Variants in TENM2 observed in about 807,000 individuals in gnomAD.
TENM2 encodes the protein teneurin-2.
TENM2 carries 52 observed loss-of-function variants against 245.2 expected under a neutral mutation model. That is an observed-to-expected ratio of 0.21 (90% CI 0.17 to 0.27). The LOEUF is 0.27. Among genes scored for constraint, TENM2 ranks in the 10% least tolerant of loss-of-function variants. TENM2 has a pLI of 1.00. For synonymous variants in TENM2, 1,363 were observed against 1,438.9 expected, an observed-to-expected ratio of 0.95 and a Z score of 1.19; for missense variants, 3,046 against 3,666.8, an observed-to-expected ratio of 0.83 and a Z score of 4.37.
At chr5:167,387,222 C>A (rs778098334) in intron 2 of TENM2, among the ~76,000 whole-genome samples, 2 of 151,630 alleles carry the variant, frequency 1.3e-5, no homozygotes, top group Non-Finnish European at 2.9e-5. Context: ...GGTCTTTCAC[C>A]TCCTTGGTTA....
intron 2 of TENM2, among the ~76,000 whole-genome samples, chr5:167,444,771 C>T (rs1433181468): frequency 2.6e-5 from 4 of 152,098 alleles, no homozygotes; most frequent in Admixed American, 6.6e-5. Flanking sequence ...TGGGTAAAAG[C>T]TCAGTAAACT....
chr5:167,956,896 G>A (rs1284020571), intron 4 of TENM2, among the ~76,000 whole-genome samples: 7 of 152,088 alleles, frequency 4.6e-5, no homozygotes, highest in East Asian at 1.9e-4. Flanking sequence ...GAGGATTTTC[G>A]CATCGATGTT....
intron 2 of TENM2, among the ~76,000 whole-genome samples, chr5:167,512,021 G>GTGCTCACA (rs1769989301): frequency 6.6e-6 from 1 of 152,160 alleles, no homozygotes; most frequent in African/African-American, 2.4e-5. Context: ...CATGTGAGTT[G>GTGCTCACA]TGTGATGTTC....
chr5:167,978,344 A>G (rs560169770), intron 4 of TENM2, among the ~76,000 whole-genome samples: 2 of 152,324 alleles, frequency 1.3e-5, no homozygotes, highest in East Asian at 1.9e-4. Context: ...ACTATTTACA[A>G]TAGTCAAAAG....
At chr5:168,215,535 G>T (rs111461041) in intron 21 of TENM2, among the ~76,000 whole-genome samples, 4,752 of 152,254 alleles carry the variant, frequency 0.031, 106 homozygotes, top group Non-Finnish European at 0.047. Context: ...CGGGCGTGGC[G>T]GTGGGCGCCT....
At chr5:167,527,320 G>T (rs1771188657) in intron 2 of TENM2, among the ~76,000 whole-genome samples, 1 of 151,732 alleles carries the variant, frequency 6.6e-6, no homozygotes, top group Admixed American at 6.6e-5. Flanking sequence ...CACCACAAAA[G>T]AAAAAAATTC....
intron 14 of TENM2, among the ~76,000 whole-genome samples, chr5:168,192,397 AACTTTACC>A (rs1483247587): frequency 1.3e-5 from 2 of 152,172 alleles, no homozygotes; most frequent in Non-Finnish European, 2.9e-5. Context: ...AGATCGCCAA[AACTTTACC>A]AGTCCCAGTG....
chr5:167,050,459 T>TTG, the TENM2 span, among the ~76,000 whole-genome samples: 1 of 152,096 alleles, frequency 6.6e-6, no homozygotes, highest in Non-Finnish European at 1.5e-5. Flanking sequence ...TGCCAAAAGG[T>TTG]TGGAGACCGC....
intron 25 of TENM2, among the ~76,000 whole-genome samples, chr5:168,241,584 G>C (rs1766106842): frequency 6.6e-6 from 1 of 151,810 alleles, no homozygotes; most frequent in East Asian, 1.9e-4. Flanking sequence ...TTTTCTAATT[G>C]TCCTATAATA....
the TENM2 span, among the ~76,000 whole-genome samples, chr5:167,253,270 T>TA: frequency 4.0e-5 from 6 of 149,258 alleles, no homozygotes; most frequent in Non-Finnish European, 5.9e-5. Context: ...TTTTTTTTTT[T>TA]AATTTTTCAT....
intron 3 of TENM2, among the ~76,000 whole-genome samples, chr5:167,886,152 T>C (rs1404131596): frequency 6.6e-6 from 1 of 152,204 alleles, no homozygotes; most frequent in Non-Finnish European, 1.5e-5. Flanking sequence ...GGGATTATTA[T>C]CCCTGTTGTA....
chr5:167,459,450 T>C (rs576143794), intron 2 of TENM2, among the ~76,000 whole-genome samples: 1 of 152,348 alleles, frequency 6.6e-6, no homozygotes, highest in South Asian at 2.1e-4. Context: ...ATAATGCTGC[T>C]ATGTACATGG....
the TENM2 span, among the ~76,000 whole-genome samples, chr5:167,215,021 G>T: frequency 6.6e-6 from 1 of 151,990 alleles, no homozygotes; most frequent in Non-Finnish European, 1.5e-5. Context: ...TTCTCTCTAG[G>T]AATTTTTCAT....
chr5:167,358,149 A>G (rs1325494737), intron 1 of TENM2, among the ~76,000 whole-genome samples: 7 of 152,158 alleles, frequency 4.6e-5, no homozygotes, highest in Non-Finnish European at 2.9e-5. Context: ...AGTTACTGCC[A>G]CATTCCTTTA....
the TENM2 span, among the ~76,000 whole-genome samples, chr5:167,078,669 T>G: frequency 6.6e-6 from 1 of 152,214 alleles, no homozygotes; most frequent in African/African-American, 2.4e-5. Context: ...CTATTGCTCC[T>G]CTGGCAAATA....
At chr5:167,885,181 T>C (rs893006809) in intron 3 of TENM2, among the ~76,000 whole-genome samples, 2 of 152,322 alleles carry the variant, frequency 1.3e-5, no homozygotes, top group East Asian at 3.9e-4. Context: ...TTGCAAATAT[T>C]TTATCCTATT....
chr5:167,290,158 T>C (rs1754551165), intron 1 of TENM2, among the ~76,000 whole-genome samples: 1 of 152,208 alleles, frequency 6.6e-6, no homozygotes, highest in African/African-American at 2.4e-5. Context: ...CAATGTTATC[T>C]TTTTGCTGGA....
chr5:167,128,554 A>T, the TENM2 span, among the ~76,000 whole-genome samples: 1 of 132,368 alleles, frequency 7.6e-6, no homozygotes, highest in African/African-American at 3.0e-5. Flanking sequence ...GACTTTCATT[A>T]AAAAAAAAAA....
At chr5:167,414,418 A>C (rs540325693) in intron 2 of TENM2, among the ~76,000 whole-genome samples, 39 of 152,296 alleles carry the variant, frequency 2.6e-4, no homozygotes, top group African/African-American at 8.9e-4. Flanking sequence ...ATATTAGGAA[A>C]TGTTAATAGC....
Sources: gnomAD v4.1 joint callset for allele counts (sites outside exome capture counted in the v4.1 genomes callset) on GRCh38, gnomAD v4.1.1 for gene constraint, MANE v1.5 for transcripts, NCBI Gene and HGNC (gene_info 2026-07-23, HGNC 2026-07-21) for gene names.